The following ROCK2 variants were observed in gnomAD, a reference collection of about 807,000 sequenced individuals.
ROCK2 encodes Rho associated coiled-coil containing protein kinase 2, also known as rho-associated protein kinase 2.
ROCK2 carries 61 observed loss-of-function variants against 195.1 expected under a neutral mutation model. The ratio of observed to expected loss-of-function variants is 0.31; its 90% CI spans 0.25 to 0.39. The LOEUF is 0.39. Among genes scored for constraint, ROCK2 ranks in the 10% least tolerant of loss-of-function variants. ROCK2 has a pLI of 1.00. For synonymous variants in ROCK2, 504 were observed against 545.5 expected (o/e 0.92, Z 1.06); for missense variants, 1,109 against 1,637.4 (o/e 0.68, Z 5.57).
Position 11,180,855 on chromosome 2 carries a change from C to T in ROCK2, c.*2582G>A, listed in dbSNP as rs143635527. 0.015 allele frequency: 2,306 copies of T among 152,240 alleles called. 40 individuals are homozygous for T. The highest frequency in any genetic ancestry group is 0.027 in the South Asian group (130 of 4,818). The allele number at this position is 152,240 out of a possible 1,614,324, so 9.4% of individuals were successfully genotyped here. On this transcript the variant is annotated 3_prime_UTR_variant, in exon 33 of 33. Transcript: ENST00000315872. ...ATGTATGTACATGAAAGCGGCAATGCGGTAAAAAGCGAATTCTTACCCAAG... is the reference window on the plus strand; with the variant it reads ...ATGTATGTACATGAAAGCGGCAATGTGGTAAAAAGCGAATTCTTACCCAAG...
intron 1 of ROCK2, among the ~76,000 whole-genome samples, chr2:11,321,887 C>T (rs896751561): frequency 6.6e-6 from 1 of 152,110 alleles, no homozygotes; most frequent in Non-Finnish European, 1.5e-5. Flanking sequence ...GAGTTGAAGT[C>T]CTAACTCCCA....
intron 32 of ROCK2, among the ~76,000 whole-genome samples, chr2:11,185,280 A>G (rs1400275653): frequency 6.6e-6 from 1 of 152,248 alleles, no homozygotes; most frequent in Non-Finnish European, 1.5e-5. Context: ...TTTGTCCTGC[A>G]TATGAAAAAC....
chr2:11,218,599 G>T, intron 10 of ROCK2, 133 bp from the exon 11 acceptor site: 1 of 604,136 alleles, frequency 1.7e-6, no homozygotes, highest in Non-Finnish European at 2.7e-6. Flanking sequence ...AAGAAAAAAT[G>T]TTTAGCATCA....
chr2:11,334,506 G>A (rs1458817731), intron 1 of ROCK2, among the ~76,000 whole-genome samples: 3 of 67,492 alleles, frequency 4.4e-5, no homozygotes, highest in African/African-American at 2.0e-4. Context: ...GAGAGACTCT[G>A]TCTCAAAAAA....
At chr2:11,285,276 A>AT (rs1667148254) in intron 3 of ROCK2, among the ~76,000 whole-genome samples, 1 of 151,800 alleles carries the variant, frequency 6.6e-6, no homozygotes, top group African/African-American at 2.4e-5. Flanking sequence ...AAAAAAAAAA[A>AT]AAAAAATGTT....
In ROCK2 at chr2:11,214,240, G is replaced by A. The variant is rs1041107791; in HGVS notation, c.2043+117C>T. ...CTACACATCAAGTCCAAATCAAAAG[G>A]AATCCATGAGCATGTGGAAATATTC... On this transcript the variant is annotated intron_variant, in intron 17 of 32. Transcript: ENST00000315872. 4.9e-6 allele frequency: 3 copies of A among 615,822 alleles called. No individual in the cohort carries two copies. The African/African-American group carries it at 5.6e-5, about 11-fold the overall frequency. The allele number at this position is 615,822 out of a possible 1,614,324, so 38.1% of individuals were successfully genotyped here.
chr2:11,255,295 G>A (rs1480288788), intron 3 of ROCK2, among the ~76,000 whole-genome samples: 3 of 148,396 alleles, frequency 2.0e-5, no homozygotes, highest in South Asian at 2.1e-4. Flanking sequence ...AAAACAGCCT[G>A]CAAGAGTTAA....
At chr2:11,221,638 A>G (rs1415932426) in intron 8 of ROCK2, among the ~76,000 whole-genome samples, 2 of 152,182 alleles carry the variant, frequency 1.3e-5, no homozygotes, top group Non-Finnish European at 2.9e-5. Flanking sequence ...ATTTTCTACA[A>G]TCTCGAAACA....
intron 1 of ROCK2, among the ~76,000 whole-genome samples, chr2:11,313,811 T>A (rs566385116): frequency 6.6e-6 from 1 of 151,930 alleles, no homozygotes; most frequent in Admixed American, 6.6e-5. Flanking sequence ...TTTTGGTGCA[T>A]GTTATAAAGA....
At chr2:11,342,787 T>G (rs1041200314) in intron 1 of ROCK2, among the ~76,000 whole-genome samples, 2 of 152,174 alleles carry the variant, frequency 1.3e-5, no homozygotes, top group Non-Finnish European at 2.9e-5. Flanking sequence ...TGACACAATA[T>G]AGCACATCAT....
chr2:11,223,883 C>T (rs1645172522), intron 7 of ROCK2, among the ~76,000 whole-genome samples: 1 of 151,922 alleles, frequency 6.6e-6, no homozygotes, highest in Non-Finnish European at 1.5e-5. Context: ...TATTCAAATG[C>T]AAATTAAAAA....
At chr2:11,307,016 C>T (rs1454780569) in intron 1 of ROCK2, among the ~76,000 whole-genome samples, 1 of 152,164 alleles carries the variant, frequency 6.6e-6, no homozygotes, top group Non-Finnish European at 1.5e-5. Flanking sequence ...AACCAAAAGA[C>T]ATATGTAACT....
chr2:11,322,228 C>T, intron 1 of ROCK2, among the ~76,000 whole-genome samples: 1 of 152,092 alleles, frequency 6.6e-6, no homozygotes, highest in East Asian at 1.9e-4. Flanking sequence ...TAGAATACTA[C>T]ACAAAACTAT....
intron 15 of ROCK2, 53 bp from the exon 16 acceptor site, chr2:11,215,139 T>A: frequency 6.3e-7 from 1 of 1,592,510 alleles, no homozygotes; most frequent in Non-Finnish European, 8.6e-7. Context: ...ATGTATGTAA[T>A]GAAAATAAGT....
At chr2:11,324,809 G>T (rs61575329) in intron 1 of ROCK2, among the ~76,000 whole-genome samples, 3,428 of 152,272 alleles carry the variant, frequency 0.023, 59 homozygotes, top group East Asian at 0.053. Context: ...GACAATAACC[G>T]TAATAGTACA....
intron 3 of ROCK2, among the ~76,000 whole-genome samples, chr2:11,278,428 T>C (rs900128339): frequency 2.0e-5 from 3 of 152,236 alleles, no homozygotes; most frequent in African/African-American, 7.2e-5. Flanking sequence ...TAGTATTCCA[T>C]TGTTTATACA....
At chr2:11,287,274 T>C (rs1208960512) in intron 2 of ROCK2, among the ~76,000 whole-genome samples, 5 of 152,320 alleles carry the variant, frequency 3.3e-5, no homozygotes, top group African/African-American at 9.6e-5. Flanking sequence ...AGTTACATTA[T>C]TTATTATTAA....
chr2:11,318,855 T>C (rs1668312159), intron 1 of ROCK2, among the ~76,000 whole-genome samples: 1 of 152,360 alleles, frequency 6.6e-6, no homozygotes, highest in South Asian at 2.1e-4. Flanking sequence ...ATTTGTTGAA[T>C]AGGGAATCCC....
At chr2:11,308,482 T>C (rs897748247) in intron 1 of ROCK2, 1 of 1,602,302 alleles carries the variant, frequency 6.2e-7, no homozygotes, top group Non-Finnish European at 8.5e-7. Flanking sequence ...GAGTTCCCGG[T>C]ACTTTCTTAC....
Sources: gnomAD v4.1 joint callset for allele counts (sites outside exome capture counted in the v4.1 genomes callset) on GRCh38, gnomAD v4.1.1 for gene constraint, MANE v1.5 for transcripts, NCBI Gene and HGNC (gene_info 2026-07-23, HGNC 2026-07-21) for gene names.